TRIM15: variants seen among roughly 807,000 people sequenced by gnomAD.
TRIM15 encodes the protein tripartite motif containing 15.
TRIM15 carries 35 observed loss-of-function variants against 35.8 expected under a neutral mutation model. The ratio of observed to expected loss-of-function variants is 0.98; its 90% CI spans 0.75 to 1.30. The LOEUF is 1.30. Ranked by LOEUF, TRIM15 falls within the 50% of genes most tolerant of loss-of-function variation. TRIM15 has a pLI of 0.00. For missense variants in TRIM15, 590 were observed against 593.5 expected (o/e 0.99, Z 0.06); for synonymous variants, 252 against 249.8 (o/e 1.01, Z -0.08).
chr6:30,163,627 A>G lies in TRIM15; in HGVS notation c.-58A>G. 6.5e-7 allele frequency: 1 copy of G among 1,529,362 alleles called. No homozygotes were observed. The highest frequency in any genetic ancestry group is 8.8e-7 in the Non-Finnish European group (1 of 1,138,434). The allele number at this position is 1,529,362 out of a possible 1,614,324, so 94.7% of individuals were successfully genotyped here. A position where few individuals can be genotyped will look rare whatever the true frequency, so the allele number is the denominator to read the frequency against. ...ATGTAAGTGTGACTCGATTTCAGGGAAAGGGAACTCGCGTGGGCTGAGGAG... is the reference window on the plus strand; with the variant it reads ...ATGTAAGTGTGACTCGATTTCAGGGGAAGGGAACTCGCGTGGGCTGAGGAG... On this transcript the variant is annotated 5_prime_UTR_variant, in exon 1 of 7. Coordinates refer to ENST00000376694, the MANE Select transcript of TRIM15 (RefSeq NM_033229.3).
At chr6:30,167,637 A>T (rs1773700130) in intron 2 of TRIM15, among the ~76,000 whole-genome samples, 1 of 152,166 alleles carries the variant, frequency 6.6e-6, no homozygotes, top group Admixed American at 6.5e-5. Context: ...CCACCTTCAG[A>T]TGGGAAGCTT....
intron 5 of TRIM15, 46 bp from the exon 6 acceptor site, chr6:30,170,930 G>A: frequency 6.3e-7 from 1 of 1,596,558 alleles, no homozygotes; most frequent in Non-Finnish European, 8.5e-7. Context: ...GTGCCTATAA[G>A]AAGTAATAAG....
rs1417422062 is a variant in TRIM15, at chr6:30,168,472, G to A, written c.650G>A (p.Gly217Glu). The A allele has an allele frequency of 1.9e-6, 3 of 1,611,184 alleles. No homozygotes were observed. The highest frequency in any genetic ancestry group is 2.5e-6 in the Non-Finnish European group (3 of 1,179,100). The change falls in exon 3 of 7, where the codon GGA (glycine) becomes GAA (glutamate). Residue 217 changes from glycine to glutamate, a missense_variant. Transcript: ENST00000376694. ...GTCTCTGAGGAAGTCACCCGGCTTG[G>A]AGCCCAGGTCAAGGAGCTGGAGGAG... ...TKVSEEVTRL[G>E]AQVKELEEKC...
In TRIM15 at chr6:30,172,376, C is replaced by A. The variant is rs761622621; in HGVS notation, c.*27C>A. On this transcript the variant is annotated 3_prime_UTR_variant, in exon 7 of 7. Coordinates refer to ENST00000376694, the MANE Select transcript of TRIM15 (RefSeq NM_033229.3). ...GTGGGGCGCGCGAAGGGCGGCGAAG[C>A]GGAGACGGCGGCTCTCCGGGATCCA... is the stretch of plus-strand genomic sequence containing the variant. The A allele has an allele frequency of 5.1e-6, 8 of 1,566,206 alleles. No homozygotes were observed. The African/African-American group carries it at 6.8e-5, about 13-fold the overall frequency.
Position 30,172,283 on chromosome 6 carries a change from CT to C in TRIM15, c.1333del (p.Ser445ProfsTer19), listed in dbSNP as rs765710708. On this transcript the variant is annotated frameshift_variant, in exon 7 of 7. Coordinates refer to ENST00000376694, the MANE Select transcript of TRIM15 (RefSeq NM_033229.3). LOFTEE classifies it low-confidence loss of function (END_TRUNC). Reference protein sequence around the residue: ...EPIFTFTASFSGKVFPFFAVW... With the variant: ...EPIFTFTASFXGKVFPFFAVW... ...CCATCTTCACCTTCACTGCCTCTTTCTCCGGCAAAGTCTTCCCTTTCTTTGC... is the reference window on the plus strand; with the variant it reads ...CCATCTTCACCTTCACTGCCTCTTTCCCGGCAAAGTCTTCCCTTTCTTTGC... 43 of 1,612,822 alleles carry C rather than the reference CT, an allele frequency of 2.7e-5. No individual in the cohort carries two copies. In the African/African-American group the frequency reaches 2.8e-4, roughly 11 times the overall value.
rs1193495112 is a variant in TRIM15 at position 30,163,806 on chromosome 6, C to T, written c.122C>T (p.Pro41Leu). 6.2e-7 allele frequency: 1 copy of T among 1,612,992 alleles called. No homozygotes were observed. Among genetic ancestry groups the T allele is most frequent in the Non-Finnish European group, 8.5e-7 (1 of 1,179,982 alleles). ...CACACCTTCTGCCGGCTCTGCCTCC[C>T]CGCGCTCTCCCAGATGGGGGCCCAA... ...CGHTFCRLCL[P>L]ALSQMGAQSS... The change falls in exon 1 of 7, where the codon CCC (proline) becomes CTC (leucine). Residue 41 changes from proline (P) to leucine (L), a missense_variant. Physicochemically the swap from Pro to Leu is moderately conservative, Grantham distance 98 (BLOSUM62 -3). Coordinates refer to ENST00000376694, the MANE Select transcript of TRIM15 (RefSeq NM_033229.3).
At chr6:30,167,413 C>T (rs1773683928) in intron 2 of TRIM15, 142 bp downstream of exon 2, 1 of 670,460 alleles carries the variant, frequency 1.5e-6, no homozygotes, top group Non-Finnish European at 2.6e-6. Flanking sequence ...TGCACAAAGG[C>T]ATTTGGGATC....
At chr6:30,170,860 C>A in intron 5 of TRIM15, 116 bp from the exon 6 acceptor site, 1 of 1,237,554 alleles carries the variant, frequency 8.1e-7, no homozygotes, top group Non-Finnish European at 1.1e-6. Flanking sequence ...TAGACCACAG[C>A]AGAAGCCGAG....
At position 30,172,421 on chromosome 6, in the gene TRIM15, T is replaced by G. The variant is rs562268693; in HGVS notation, c.*72T>G. 1.2e-5 allele frequency: 18 copies of G among 1,527,804 alleles called. No individual in the cohort carries two copies. The Admixed American group carries it at 1.4e-4, about 12-fold the overall frequency. The allele number at this position is 1,527,804 out of a possible 1,614,324, so 94.6% of individuals were successfully genotyped here. The stretch of plus-strand genomic sequence containing the variant: ...GATCCAGCTCCGCCCCTGGCCAGTG[T>G]GCGGCCCGGGGGCTCCCTGTGCCCG... On this transcript the variant is annotated 3_prime_UTR_variant, in exon 7 of 7. Coordinates refer to ENST00000376694, the MANE Select transcript of TRIM15 (RefSeq NM_033229.3).
In TRIM15 at chr6:30,172,591, G is replaced by T. The variant is rs980499668; in HGVS notation, c.*242G>T. Reference sequence around the variant, plus strand: ...ACCTCAGAGTGCAGAACCACAGACGGCTTCGGCTGTGCCTAGGGCAACAGC... The same window carrying T: ...ACCTCAGAGTGCAGAACCACAGACGTCTTCGGCTGTGCCTAGGGCAACAGC... On this transcript the variant is annotated 3_prime_UTR_variant, in exon 7 of 7. Transcript: ENST00000376694. 8 of 724,718 alleles carry T rather than the reference G, an allele frequency of 1.1e-5. No individual in the cohort carries two copies. The African/African-American group carries it at 1.2e-4, about 11-fold the overall frequency. 44.9% of individuals were successfully genotyped at this position (724,718 alleles called of 1,614,324 possible).
At chr6:30,166,478 C>T (rs1581597912) in intron 1 of TRIM15, among the ~76,000 whole-genome samples, 1 of 152,116 alleles carries the variant, frequency 6.6e-6, no homozygotes, top group East Asian at 1.9e-4. Flanking sequence ...TGTTTTGATA[C>T]CAGACATATT....
intron 5 of TRIM15, 145 bp downstream of exon 5, chr6:30,170,761 A>C: frequency 2.6e-6 from 2 of 776,720 alleles, no homozygotes; most frequent in South Asian, 3.5e-5. Flanking sequence ...CAATTTATTC[A>C]GGGGCACTAT....
chr6:30,171,998 C>T lies in TRIM15; in HGVS notation c.1047C>T (p.His349=), dbSNP rs758096390. The part of the protein sequence containing the change: ...LGFPGFSSGR[H]RWQVDLQLGD... ...TCCCGGGCTTCTCCTCCGGGCGCCACCGCTGGCAGGTTGACCTGCAGCTGG... is the reference window on the plus strand; with the variant it reads ...TCCCGGGCTTCTCCTCCGGGCGCCATCGCTGGCAGGTTGACCTGCAGCTGG... Residue 349 remains histidine (H), a synonymous_variant, in exon 7 of 7, where the codon CAC becomes CAT. Coordinates refer to ENST00000376694, the MANE Select transcript of TRIM15 (RefSeq NM_033229.3). 2 of 1,579,598 alleles carry T rather than the reference C, an allele frequency of 1.3e-6. No homozygotes were observed. The highest frequency in any genetic ancestry group is 1.7e-6 in the Non-Finnish European group (2 of 1,162,262).
chr6:30,170,867 CGA>C (rs1773964701), intron 5 of TRIM15, 107 bp from the exon 6 acceptor site: 1 of 1,296,848 alleles, frequency 7.7e-7, no homozygotes, highest in Admixed American at 2.1e-5. Flanking sequence ...CAGCAGAAGC[CGA>C]GTCTTCTGTC....
rs1308206960 is a variant in TRIM15, at chr6:30,163,707, A to G, written c.23A>G (p.Lys8Arg). The change falls in exon 1 of 7, where the codon AAG becomes AGG. Residue 8 changes from lysine (K) to arginine (R), a missense_variant. Coordinates refer to ENST00000376694, the MANE Select transcript of TRIM15 (RefSeq NM_033229.3). MPATPSL[K>R]VVHELPACTL... ...GTGATGCCCGCAACCCCGTCCCTGAAGGTGGTCCATGAGCTGCCTGCCTGT... is the reference window on the plus strand; with the variant it reads ...GTGATGCCCGCAACCCCGTCCCTGAGGGTGGTCCATGAGCTGCCTGCCTGT... 5 of 1,611,024 alleles carry G rather than the reference A, an allele frequency of 3.1e-6. No homozygotes were observed. The highest frequency in any genetic ancestry group is 4.2e-6 in the Non-Finnish European group (5 of 1,178,754).
rs755546174 is a variant in TRIM15 at position 30,170,596 on chromosome 6, A to G, written c.827A>G (p.Glu276Gly). The part of the protein sequence containing the change: ...DFHRKILTLP[E>G]MMRMFSENLA... The stretch of plus-strand genomic sequence containing the variant: ...CACAGGAAAATACTCACCCTCCCAG[A>G]GATGATGAGGATGTTCTCAGGTAAA... The change falls in exon 5 of 7, where the codon GAG becomes GGG. Residue 276 changes from glutamate (E) to glycine (G), a missense_variant. Transcript: ENST00000376694. 3.1e-6 allele frequency: 5 copies of G among 1,613,910 alleles called. No individual in the cohort carries two copies. The highest frequency in any genetic ancestry group is 1.7e-6 in the Non-Finnish European group (2 of 1,179,890).
chr6:30,168,367 A>C lies in TRIM15; in HGVS notation c.545A>C (p.Gln182Pro). 6.2e-7 allele frequency: 1 copy of C among 1,613,108 alleles called. No homozygotes were observed. The highest frequency in any genetic ancestry group is 8.5e-7 in the Non-Finnish European group (1 of 1,180,050). ...GAGAGGCTGCAGCAGGAGCTGGAGC[A>C]GCAGCGATGTCTCCTGCTGGCCAGG... ...AFERLQQELE[Q>P]QRCLLLARLR... The change falls in exon 3 of 7, where the codon CAG becomes CCG. Residue 182 changes from glutamine (Q) to proline (P), a missense_variant. Coordinates refer to ENST00000376694, the MANE Select transcript of TRIM15 (RefSeq NM_033229.3).
intron 1 of TRIM15, among the ~76,000 whole-genome samples, chr6:30,166,244 G>A (rs535379747): frequency 5.9e-5 from 9 of 152,230 alleles, no homozygotes; most frequent in African/African-American, 1.9e-4. Context: ...TAGGTCTTAC[G>A]TTTAAGTCTT....
At chr6:30,167,404 G>A in intron 2 of TRIM15, 133 bp downstream of exon 2, 2 of 700,938 alleles carry the variant, frequency 2.9e-6, no homozygotes, top group Non-Finnish European at 4.8e-6. Flanking sequence ...TCCTGTGGCT[G>A]CACAAAGGCA....
Sources: gnomAD v4.1 joint callset for allele counts (sites outside exome capture counted in the v4.1 genomes callset) on GRCh38, gnomAD v4.1.1 for gene constraint, MANE v1.5 for transcripts, NCBI Gene and HGNC (gene_info 2026-07-23, HGNC 2026-07-21) for gene names.